FILIP1: variants seen among roughly 807,000 people sequenced by gnomAD.
The protein encoded by FILIP1 is filamin A interacting protein 1, also known as filamin-A-interacting protein 1.
In FILIP1, 61 loss-of-function variants were observed where a neutral mutation model predicts 102.1. The observed-to-expected ratio is 0.60, with a 90% CI of 0.49 to 0.74. FILIP1 has a LOEUF of 0.74. FILIP1 is among the 30% of genes least tolerant of loss of function. FILIP1 has a pLI of 0.00. For missense variants in FILIP1, 1,314 were observed against 1,441.2 expected (o/e 0.91, Z 1.43); for synonymous variants, 491 against 526.9 (o/e 0.93, Z 0.93).
At chr6:75,400,552 A>C (rs771310543) in intron 2 of FILIP1, among the ~76,000 whole-genome samples, 2 of 152,176 alleles carry the variant, frequency 1.3e-5, no homozygotes, top group African/African-American at 2.4e-5. Context: ...GAAGGTTAGA[A>C]AAAGGTGACC....
chr6:75,451,440 T>G (rs550134188), intron 1 of FILIP1, among the ~76,000 whole-genome samples: 2 of 152,064 alleles, frequency 1.3e-5, no homozygotes, highest in East Asian at 3.9e-4. Context: ...ATTTCTACTC[T>G]AACATAAAAA....
At chr6:75,404,149 A>G (rs183709129) in intron 2 of FILIP1, among the ~76,000 whole-genome samples, 1 of 152,096 alleles carries the variant, frequency 6.6e-6, no homozygotes, top group East Asian at 1.9e-4. Flanking sequence ...AGGTGGGGGG[A>G]TCACTTGAGC....
Position 75,313,747 on chromosome 6 carries a change from C to G in FILIP1, c.2085G>C (p.Glu695Asp), listed in dbSNP as rs1455203365. 1 of 1,584,340 alleles carries G rather than the reference C, an allele frequency of 6.3e-7. No homozygotes were observed. Among genetic ancestry groups the G allele is most frequent in the Non-Finnish European group, 8.6e-7 (1 of 1,168,554 alleles). The change falls in exon 5 of 6, where the codon GAG becomes GAC. Residue 695 changes from glutamate to aspartate, a missense_variant. Physicochemically the swap from Glu to Asp is conservative, Grantham distance 45. Around this residue, in one of 3 missense-constraint regions of FILIP1, gnomAD observed 816 missense variants for 913.1 expected, o/e 0.89. Coordinates refer to ENST00000237172, the MANE Select transcript of FILIP1 (RefSeq NM_015687.5). The surrounding 1 kb of genome is among the most constrained non-coding windows in gnomAD (Gnocchi z 4.2). The part of the protein sequence containing the change: ...KHQIAKNKAI[E>D]KGEVVSQEAE... Reference sequence around the variant, plus strand: ...CTTCCTGGCTCACAACCTCACCCTTCTCTATTGCTTTATTCTTGGCAATTT... The same window carrying G: ...CTTCCTGGCTCACAACCTCACCCTTGTCTATTGCTTTATTCTTGGCAATTT...
chr6:75,445,759 CTG>C (rs1778426772), intron 1 of FILIP1, among the ~76,000 whole-genome samples: 1 of 151,294 alleles, frequency 6.6e-6, no homozygotes, highest in African/African-American at 2.4e-5. Flanking sequence ...AGTCATAAGA[CTG>C]TGCTTGTTAC....
At chr6:75,448,459 A>G (rs755464361) in intron 1 of FILIP1, among the ~76,000 whole-genome samples, 1 of 152,208 alleles carries the variant, frequency 6.6e-6, no homozygotes, top group Non-Finnish European at 1.5e-5. Context: ...CTTCATGTCC[A>G]GGAACCCAAA....
chr6:75,326,354 G>A (rs912535148), intron 4 of FILIP1, among the ~76,000 whole-genome samples: 7 of 152,068 alleles, frequency 4.6e-5, no homozygotes, highest in Non-Finnish European at 1.0e-4. Flanking sequence ...AGGGAAGTGG[G>A]GTAGAGGGGT....
intron 6 of FILIP1, among the ~76,000 whole-genome samples, chr6:75,298,127 T>G (rs1302287935): frequency 6.6e-6 from 1 of 152,202 alleles, no homozygotes; most frequent in East Asian, 1.9e-4. Flanking sequence ...GTCTTAATCC[T>G]AGCATTTCAA....
rs1454619018 is a variant in FILIP1, at chr6:75,353,603, T to C, written c.565A>G (p.Lys189Glu). Reference protein sequence around the residue: ...TVYELENEKHKHTDYMNKSDD... With the variant: ...TVYELENEKHEHTDYMNKSDD... ...CTCTTGTTCATGTAGTCAGTGTGTT[T>C]ATGCTTCTCGTTCTCTAACTCGTAT... The change falls in exon 4 of 6, where the codon AAA (lysine) becomes GAA (glutamate). Residue 189 changes from lysine (K) to glutamate (E), a missense_variant. Around this residue, in one of 3 missense-constraint regions of FILIP1, gnomAD observed 494 missense variants for 511.2 expected, o/e 0.97. Coordinates refer to ENST00000237172, the MANE Select transcript of FILIP1 (RefSeq NM_015687.5). 1 of 1,614,230 alleles carries C rather than the reference T, an allele frequency of 6.2e-7. No homozygotes were observed. Among genetic ancestry groups the C allele is most frequent in the Non-Finnish European group, 8.5e-7 (1 of 1,180,048 alleles).
chr6:75,402,390 C>T (rs530695636), intron 2 of FILIP1, among the ~76,000 whole-genome samples: 1 of 152,268 alleles, frequency 6.6e-6, no homozygotes, highest in African/African-American at 2.4e-5. Flanking sequence ...AAAGACATGC[C>T]ATTCTCAGCA....
chr6:75,460,756 A>G (rs1778998171), intron 1 of FILIP1, among the ~76,000 whole-genome samples: 2 of 152,196 alleles, frequency 1.3e-5, no homozygotes, highest in Admixed American at 1.3e-4. Context: ...GAAGATAACC[A>G]AGACAATATG....
chr6:75,362,672 T>C (rs1775205733), intron 3 of FILIP1, 72 bp downstream of exon 3: 2 of 1,478,840 alleles, frequency 1.4e-6, no homozygotes, highest in Admixed American at 3.8e-5. Context: ...TGTTAAAGCA[T>C]GTAAATGGAA....
chr6:75,330,871 G>A (rs1309749791), intron 4 of FILIP1, among the ~76,000 whole-genome samples: 1 of 152,098 alleles, frequency 6.6e-6, no homozygotes, highest in Non-Finnish European at 1.5e-5. Flanking sequence ...TATAAACTAA[G>A]GACCTGCATT....
chr6:75,425,084 A>G (rs1777587013), intron 1 of FILIP1, among the ~76,000 whole-genome samples: 1 of 152,184 alleles, frequency 6.6e-6, no homozygotes, highest in Non-Finnish European at 1.5e-5. Flanking sequence ...ATCAAAGCAT[A>G]TACAGCCTAA....
At chr6:75,403,869 C>T (rs1776743901) in intron 2 of FILIP1, among the ~76,000 whole-genome samples, 1 of 152,144 alleles carries the variant, frequency 6.6e-6, no homozygotes. Flanking sequence ...AGTTTGGCAG[C>T]AGTTATCCAG....
chr6:75,315,975 A>G (rs1773431482), intron 4 of FILIP1, among the ~76,000 whole-genome samples: 1 of 152,258 alleles, frequency 6.6e-6, no homozygotes. Context: ...AATTGATTTT[A>G]GTTCACACCA....
At chr6:75,321,173 G>T (rs1582338928) in intron 4 of FILIP1, among the ~76,000 whole-genome samples, 3 of 152,094 alleles carry the variant, frequency 2.0e-5, no homozygotes, top group African/African-American at 7.2e-5. Context: ...CTCCCAAAGT[G>T]TTGGGATTAC....
chr6:75,384,168 T>C (rs1418292058), intron 2 of FILIP1, among the ~76,000 whole-genome samples: 1 of 152,140 alleles, frequency 6.6e-6, no homozygotes, highest in Admixed American at 6.6e-5. Flanking sequence ...AACCTAAAAT[T>C]TAGATCAAAC....
chr6:75,299,797 T>C (rs778629337), intron 6 of FILIP1, among the ~76,000 whole-genome samples: 1 of 152,208 alleles, frequency 6.6e-6, no homozygotes, highest in Non-Finnish European at 1.5e-5. Context: ...GTTCAACATA[T>C]TGTCAATTCC....
At chr6:75,424,668 T>C (rs1019718452) in intron 1 of FILIP1, among the ~76,000 whole-genome samples, 1 of 152,190 alleles carries the variant, frequency 6.6e-6, no homozygotes, top group African/African-American at 2.4e-5. Flanking sequence ...TATTTGTCTT[T>C]ATATAGCAAA....
Sources: allele counts gnomAD v4.1 joint callset (sites outside exome capture counted in the v4.1 genomes callset), GRCh38; gene constraint gnomAD v4.1.1; regional missense constraint gnomAD v4.1.1; non-coding constraint Gnocchi (gnomAD v3.1); transcripts MANE v1.5; gene names NCBI Gene and HGNC (gene_info 2026-07-23, HGNC 2026-07-21).